The following MYO5B variants were observed in gnomAD, a reference collection of about 807,000 sequenced individuals.
MYO5B encodes unconventional myosin-Vb.
MYO5B carries 143 observed loss-of-function variants against 229.3 expected under a neutral mutation model. The observed-to-expected ratio is 0.62, with a 90% CI of 0.54 to 0.72. MYO5B has a LOEUF of 0.72. Among genes scored for constraint, MYO5B ranks in the 30% least tolerant of loss-of-function variants. The probability of loss-of-function intolerance (pLI) is 0.00; values close to 1 mark genes in which losing one functional copy is unlikely to be tolerated. For synonymous variants in MYO5B, 918 were observed against 885.2 expected, an observed-to-expected ratio of 1.04 and a Z score of -0.66; for missense variants, 2,321 against 2,331.0, an observed-to-expected ratio of 1.00 and a Z score of 0.09.
chr18:50,167,053 C>T (rs987330952), intron 1 of MYO5B, among the ~76,000 whole-genome samples: 3 of 152,186 alleles, frequency 2.0e-5, no homozygotes, highest in African/African-American at 4.8e-5. Flanking sequence ...AAGATCTAAA[C>T]GAGTTAACTG....
intron 17 of MYO5B, among the ~76,000 whole-genome samples, chr18:49,927,232 A>T (rs1449589221): frequency 6.6e-6 from 1 of 152,326 alleles, no homozygotes; most frequent in African/African-American, 2.4e-5. Context: ...TGACACAAAC[A>T]AATGGAAACA....
intron 27 of MYO5B, among the ~76,000 whole-genome samples, chr18:49,865,768 A>T (rs577560907): frequency 1.2e-4 from 18 of 152,332 alleles, no homozygotes; most frequent in African/African-American, 4.3e-4. Flanking sequence ...GGCCCTACTC[A>T]GCTGTGAGAT....
chr18:49,840,517 T>G (rs1459526515), intron 35 of MYO5B: 1 of 152,252 alleles, frequency 6.6e-6, no homozygotes, highest in Non-Finnish European at 1.5e-5. Flanking sequence ...AATAAAGCTT[T>G]AAAAATGGTC....
rs557098135 is a variant in MYO5B at position 50,141,368 on chromosome 18, T to C, written c.27+53399A>G. Among the ~76,000 whole-genome samples the C allele has an allele frequency of 2.0e-3, 303 of 152,346 alleles. 3 individuals carry two copies. The highest frequency in any genetic ancestry group is 6.9e-3 in the African/African-American group (286 of 41,574). On this transcript the variant is annotated intron_variant, in intron 1 of 39. Transcript: ENST00000285039. ...AATAGGTATAAATATGACTGCAAAA[T>C]TGCCCTGAGCTGCTGCTTTCAGCAC...
chr18:49,988,229 T>C (rs2025892603), intron 7 of MYO5B, among the ~76,000 whole-genome samples: 1 of 152,186 alleles, frequency 6.6e-6, no homozygotes, highest in South Asian at 2.1e-4. Flanking sequence ...CTAGTCCATG[T>C]ATTTGCTGTT....
intron 29 of MYO5B, among the ~76,000 whole-genome samples, chr18:49,862,741 G>A (rs1341082075): frequency 1.3e-5 from 2 of 152,156 alleles, no homozygotes; most frequent in South Asian, 2.1e-4. Flanking sequence ...GACGGTGGAG[G>A]TGAAATGCTT....
At chr18:49,974,665 G>GC (rs1264903761) in intron 9 of MYO5B, 50 bp from the exon 10 acceptor site, 8 of 1,585,912 alleles carry the variant, frequency 5.0e-6, no homozygotes, top group Admixed American at 5.0e-5. Context: ...GAGACAAGCC[G>GC]CCCCCCACCA....
At chr18:50,025,984 T>C (rs951818360) in intron 4 of MYO5B, among the ~76,000 whole-genome samples, 4 of 152,212 alleles carry the variant, frequency 2.6e-5, no homozygotes, top group Admixed American at 6.5e-5. Flanking sequence ...GTATAAAACA[T>C]ATACAAATGA....
intron 11 of MYO5B, 40 bp downstream of exon 11, chr18:49,962,909 C>T: frequency 6.4e-7 from 1 of 1,556,104 alleles, no homozygotes; most frequent in Non-Finnish European, 8.9e-7. Context: ...AGAGGAGTCC[C>T]CCCAATCCTG....
chr18:49,833,132 GT>G (rs1247203738), intron 39 of MYO5B, among the ~76,000 whole-genome samples: 1 of 152,142 alleles, frequency 6.6e-6, no homozygotes, highest in Non-Finnish European at 1.5e-5. Flanking sequence ...GGAAAAGAAA[GT>G]GAAATATTAC....
At chr18:49,995,677 T>C (rs753115958) in intron 5 of MYO5B, among the ~76,000 whole-genome samples, 2 of 152,136 alleles carry the variant, frequency 1.3e-5, no homozygotes, top group Non-Finnish European at 2.9e-5. Context: ...GGCAATTAAG[T>C]AGTTGGTAAG....
intron 1 of MYO5B, among the ~76,000 whole-genome samples, chr18:50,191,980 C>G (rs1213732360): frequency 6.6e-6 from 1 of 151,742 alleles, no homozygotes; most frequent in East Asian, 1.9e-4. Flanking sequence ...TTTATGGGGA[C>G]AATCAGTTTT....
intron 31 of MYO5B, among the ~76,000 whole-genome samples, chr18:49,851,758 C>A (rs546747281): frequency 6.6e-6 from 1 of 152,212 alleles, no homozygotes; most frequent in South Asian, 2.1e-4. Flanking sequence ...CTGCCAAGCA[C>A]CTTGTGCTGT....
intron 22 of MYO5B, among the ~76,000 whole-genome samples, chr18:49,892,694 C>T (rs16951184): frequency 0.057 from 8,658 of 152,198 alleles, 515 homozygotes; most frequent in African/African-American, 0.15. Flanking sequence ...CAAAAAAAAG[C>T]CAGCCAGCTC....
chr18:50,185,625 T>TA (rs1430352274), intron 1 of MYO5B, among the ~76,000 whole-genome samples: 1 of 152,182 alleles, frequency 6.6e-6, no homozygotes, highest in Non-Finnish European at 1.5e-5. Context: ...ATACGTGTAT[T>TA]AAAAAAATCA....
intron 9 of MYO5B, among the ~76,000 whole-genome samples, chr18:49,979,748 A>G (rs935138054): frequency 2.0e-5 from 3 of 152,174 alleles, no homozygotes; most frequent in African/African-American, 7.2e-5. Context: ...ACAGTTGCAG[A>G]TTCACCTATC....
intron 1 of MYO5B, among the ~76,000 whole-genome samples, chr18:50,145,315 G>A (rs1057170014): frequency 2.6e-5 from 4 of 151,634 alleles, no homozygotes; most frequent in African/African-American, 4.9e-5. Context: ...GTGAAACCCC[G>A]TCTCTACTAA....
intron 27 of MYO5B, among the ~76,000 whole-genome samples, chr18:49,870,668 A>C (rs556323810): frequency 1.3e-5 from 2 of 152,368 alleles, no homozygotes; most frequent in African/African-American, 4.8e-5. Context: ...CAATCAACAC[A>C]TGAGAAGATG....
chr18:50,039,827 G>C (rs141801053), intron 3 of MYO5B, among the ~76,000 whole-genome samples: 22 of 152,240 alleles, frequency 1.4e-4, no homozygotes, highest in Non-Finnish European at 2.4e-4. Context: ...TCGGTGCTGA[G>C]AGCAGGCGCC....
Sources: allele counts gnomAD v4.1 joint callset (sites outside exome capture counted in the v4.1 genomes callset), GRCh38; gene constraint gnomAD v4.1.1; transcripts MANE v1.5; gene names NCBI Gene and HGNC (gene_info 2026-07-23, HGNC 2026-07-21).